The following NOP58 variants were observed in gnomAD, a reference collection of about 807,000 sequenced individuals.
NOP58 encodes the protein nucleolar protein 58.
In NOP58, 44 loss-of-function variants were observed where a neutral mutation model predicts 71.2. That is an observed-to-expected ratio of 0.62 (90% CI 0.49 to 0.79). NOP58 has a LOEUF of 0.79. Among genes scored for constraint, NOP58 ranks in the 30% least tolerant of loss-of-function variants. The probability of loss-of-function intolerance (pLI) is 0.00; values close to 1 mark genes in which losing one functional copy is unlikely to be tolerated. For synonymous variants in NOP58, 228 were observed against 200.3 expected, an observed-to-expected ratio of 1.14 and a Z score of -1.17; for missense variants, 538 against 620.2, an observed-to-expected ratio of 0.87 and a Z score of 1.41.
chr2:202,274,173 A>G (rs1346248044), intron 1 of NOP58, among the ~76,000 whole-genome samples: 1 of 152,196 alleles, frequency 6.6e-6, no homozygotes, highest in East Asian at 1.9e-4. Flanking sequence ...GGATGATCAT[A>G]GCAGTAAATA....
chr2:202,283,492 G>C lies in NOP58; in HGVS notation c.298-853G>C, dbSNP rs1381311403. ...AGTCTCACTCTGTCGCTAGGCTGAA[G>C]TGCATTGGCTCAGTCTTGGCTCACT... On this transcript the variant is annotated intron_variant, in intron 4 of 14. Transcript: ENST00000264279. Among the ~76,000 whole-genome samples the C allele has an allele frequency of 2.7e-4, 40 of 148,078 alleles. 1 individual carries two copies. Among genetic ancestry groups the C allele is most frequent in the Non-Finnish European group, 1.5e-4 (10 of 67,582 alleles).
intron 1 of NOP58, among the ~76,000 whole-genome samples, chr2:202,274,480 G>T (rs1688558299): frequency 6.7e-6 from 1 of 148,638 alleles, no homozygotes; most frequent in African/African-American, 2.5e-5. Flanking sequence ...GACCTCAGGT[G>T]ATCCGCCTGC....
At chr2:202,285,290 C>T (rs1157502811) in intron 5 of NOP58, among the ~76,000 whole-genome samples, 1 of 151,706 alleles carries the variant, frequency 6.6e-6, no homozygotes, top group Admixed American at 6.6e-5. Flanking sequence ...GATCCATCCG[C>T]CTTGGCCTTC....
rs1012606860 is a variant in NOP58, at chr2:202,278,135, T to C, written c.175+133T>C. 2.4e-5 allele frequency: 18 copies of C among 756,302 alleles called. No individual in the cohort carries two copies. In the African/African-American group the frequency reaches 2.6e-4, roughly 11 times the overall value. 46.8% of individuals were successfully genotyped at this position (756,302 alleles called of 1,614,324 possible). ...CAATGTTGTCAATGATGCATTCTTA[T>C]TGGAACTGAATTTAAGTGATCTGAC... On this transcript the variant is annotated intron_variant, in intron 3 of 14. Transcript: ENST00000264279.
intron 8 of NOP58, among the ~76,000 whole-genome samples, chr2:202,292,327 T>G (rs1444912980): frequency 1.3e-5 from 2 of 152,020 alleles, no homozygotes; most frequent in African/African-American, 4.8e-5. Context: ...TTACGCTGAC[T>G]AAGATTTTCA....
chr2:202,285,987 G>C (rs1202638273), intron 5 of NOP58, among the ~76,000 whole-genome samples: 1 of 152,016 alleles, frequency 6.6e-6, no homozygotes, highest in Non-Finnish European at 1.5e-5. Context: ...AAGGTCAGGA[G>C]ATCGAGACCA....
intron 3 of NOP58, 125 bp downstream of exon 3, chr2:202,278,127 C>G (rs1390296470): frequency 1.3e-6 from 1 of 761,266 alleles, no homozygotes; most frequent in East Asian, 2.5e-5. Context: ...GTCAATGATG[C>G]ATTCTTATTG....
intron 3 of NOP58, among the ~76,000 whole-genome samples, chr2:202,281,287 C>T (rs1466363101): frequency 6.6e-6 from 1 of 151,802 alleles, no homozygotes; most frequent in Non-Finnish European, 1.5e-5. Flanking sequence ...CCACCAGGGC[C>T]AGCTAATTTT....
chr2:202,287,391 T>G (rs1322069483), intron 5 of NOP58, among the ~76,000 whole-genome samples: 1 of 152,042 alleles, frequency 6.6e-6, no homozygotes, highest in Non-Finnish European at 1.5e-5. Context: ...ATTACACAGC[T>G]TATCCTATTT....
intron 1 of NOP58, 66 bp from the exon 2 acceptor site, chr2:202,275,047 A>G (rs552910335): frequency 1.0e-5 from 7 of 692,716 alleles, no homozygotes; most frequent in Admixed American, 3.1e-5. Flanking sequence ...ATTGTATTTG[A>G]AGAATGCAGC....
chr2:202,276,593 A>C, intron 2 of NOP58: 1 of 406,832 alleles, frequency 2.5e-6, no homozygotes, highest in Non-Finnish European at 5.2e-6. Flanking sequence ...TAATCCCAGC[A>C]TTTTGGGAGG....
chr2:202,272,057 A>ATATT (rs1427395106), intron 1 of NOP58, among the ~76,000 whole-genome samples: 5 of 152,088 alleles, frequency 3.3e-5, no homozygotes, highest in Non-Finnish European at 7.4e-5. Flanking sequence ...GTCTGGTTAT[A>ATATT]TATTATTTTC....
At chr2:202,301,489 C>T (rs77316470) in intron 13 of NOP58, among the ~76,000 whole-genome samples, 76 of 152,232 alleles carry the variant, frequency 5.0e-4, no homozygotes, top group African/African-American at 1.7e-3. Flanking sequence ...AGTCCTCTCC[C>T]ATTTTCTATA....
At chr2:202,270,269 A>T (rs909377855) in intron 1 of NOP58, among the ~76,000 whole-genome samples, 1 of 152,170 alleles carries the variant, frequency 6.6e-6, no homozygotes, top group Non-Finnish European at 1.5e-5. Context: ...GTAGTATTTT[A>T]GTCTTTTGTG....
intron 14 of NOP58, 65 bp from the exon 15 acceptor site, chr2:202,303,321 T>C (rs942732280): frequency 1.9e-6 from 3 of 1,591,470 alleles, no homozygotes; most frequent in Admixed American, 3.7e-5. Context: ...TTTTTATATT[T>C]TCAATGTGAT....
intron 4 of NOP58, 123 bp from the exon 5 acceptor site, chr2:202,284,222 A>C: frequency 1.4e-6 from 1 of 729,344 alleles, no homozygotes; most frequent in Non-Finnish European, 2.2e-6. Context: ...GTAGTGAGCC[A>C]AGATTGCGCC....
intron 1 of NOP58, among the ~76,000 whole-genome samples, chr2:202,272,791 A>T (rs2105837716): frequency 6.6e-6 from 1 of 152,330 alleles, no homozygotes; most frequent in African/African-American, 2.4e-5. Flanking sequence ...TCTAGCTGAA[A>T]AGCAAGTATA....
At chr2:202,292,693 T>C (rs1356644884) in intron 8 of NOP58, 84 bp from the exon 9 acceptor site, 1 of 1,076,514 alleles carries the variant, frequency 9.3e-7, no homozygotes, top group Non-Finnish European at 1.4e-6. Context: ...TCTTTCATAA[T>C]TGAGGGCTCC....
chr2:202,293,481 C>A (rs908109701), intron 9 of NOP58, among the ~76,000 whole-genome samples: 1 of 152,162 alleles, frequency 6.6e-6, no homozygotes, highest in African/African-American at 2.4e-5. Context: ...CCTACAAATA[C>A]AATGAAGTAC....
Sources: allele counts gnomAD v4.1 joint callset (sites outside exome capture counted in the v4.1 genomes callset), GRCh38; gene constraint gnomAD v4.1.1; transcripts MANE v1.5; gene names NCBI Gene and HGNC (gene_info 2026-07-23, HGNC 2026-07-21).